Variants in CEP290 observed in about 807,000 individuals in gnomAD.
CEP290 encodes the protein centrosomal protein 290, also known as centrosomal protein of 290 kDa.
A neutral mutation model predicts 344.9 loss-of-function variants in CEP290; 317 were observed. The ratio of observed to expected loss-of-function variants is 0.92; its 90% CI spans 0.84 to 1.01. CEP290 has a LOEUF of 1.01. Ranked by LOEUF, CEP290 falls within the 50% of genes least tolerant of loss-of-function variation. CEP290 has a pLI of 0.00. For missense variants in CEP290, 2,754 were observed against 2,761.4 expected (o/e 1.00, Z 0.06); for synonymous variants, 932 against 895.8 (o/e 1.04, Z -0.72).
Position 88,118,474 on chromosome 12 carries a change from T to G in CEP290, c.1711+9A>C. 6.5e-7 allele frequency: 1 copy of G among 1,544,800 alleles called. No homozygotes were observed. Among genetic ancestry groups the G allele is most frequent in the Non-Finnish European group, 8.8e-7 (1 of 1,141,820 alleles). ...ATTCTTTTTAAAGGTTTAGAATAAC[T>G]GAGTATACCTGAAGTTGCACTTCTT... On this transcript the variant is annotated intron_variant, in intron 17 of 53. Transcript: ENST00000552810.
At position 88,131,180 on chromosome 12, in the gene CEP290, G is replaced by T; in HGVS notation, c.480C>A (p.Ser160Arg). The change falls in exon 7 of 54, where the codon AGC (serine) becomes AGA (arginine). Residue 160 changes from serine to arginine, a missense_variant. Coordinates refer to ENST00000552810, the MANE Select transcript of CEP290 (RefSeq NM_025114.4). Reference sequence around the variant, plus strand: ...AATTTTTTACCTCTCTTCTTAATTTGCTGTTTTCATTTTCTGCCTCCTCAT... The same window carrying T: ...AATTTTTTACCTCTCTTCTTAATTTTCTGTTTTCATTTTCTGCCTCCTCAT... ...LRNEEAENEN[S>R]KLRRENKRLK... is the part of the protein sequence containing the mutation. The T allele has an allele frequency of 6.6e-7, 1 of 1,517,200 alleles. No homozygotes were observed. The highest frequency in any genetic ancestry group is 8.8e-7 in the Non-Finnish European group (1 of 1,138,394). 94.0% of individuals were successfully genotyped at this position (1,517,200 alleles called of 1,614,324 possible).
intron 20 of CEP290, among the ~76,000 whole-genome samples, chr12:88,114,062 G>C (rs910314083): frequency 6.6e-6 from 1 of 151,878 alleles, no homozygotes; most frequent in East Asian, 1.9e-4. Flanking sequence ...AAAACCACAG[G>C]ATACAGCCCA....
At position 88,086,388 on chromosome 12, in the gene CEP290, T is replaced by A; in HGVS notation, c.4302+3A>T. The A allele has an allele frequency of 6.3e-7, 1 of 1,575,288 alleles. No homozygotes were observed. Among genetic ancestry groups the A allele is most frequent in the Non-Finnish European group, 8.6e-7 (1 of 1,157,754 alleles). On this transcript the variant is annotated splice_donor_region_variant and intron_variant, in intron 33 of 53. Coordinates refer to ENST00000552810, the MANE Select transcript of CEP290 (RefSeq NM_025114.4). ...AGTAACAAACAAGATTAATCATTCA[T>A]ACCTTTTGTGCCGCATTTAGTATTT...
chr12:88,051,028 C>A (rs2033459221), intron 52 of CEP290, among the ~76,000 whole-genome samples: 1 of 152,088 alleles, frequency 6.6e-6, no homozygotes, highest in African/African-American at 2.4e-5. Context: ...ACTTTATCAG[C>A]AGGCAAATAG....
At chr12:88,053,112 A>T (rs1158495668) in intron 52 of CEP290, among the ~76,000 whole-genome samples, 1 of 152,174 alleles carries the variant, frequency 6.6e-6, no homozygotes, top group Non-Finnish European at 1.5e-5. Context: ...GGATATGTAC[A>T]TTGTACATAT....
chr12:88,050,102 G>GAAC, intron 53 of CEP290: 1 of 296,130 alleles, frequency 3.4e-6, no homozygotes, highest in Non-Finnish European at 6.1e-6. Flanking sequence ...CAAAACTTAA[G>GAAC]AACATACTAA....
At chr12:88,079,546 TACTC>T in intron 38 of CEP290, among the ~76,000 whole-genome samples, 1 of 152,270 alleles carries the variant, frequency 6.6e-6, no homozygotes, top group African/African-American at 2.4e-5. Flanking sequence ...ATATTTATAT[TACTC>T]ACTTACTACA....
chr12:88,066,765 T>C (rs2034970157), intron 44 of CEP290, among the ~76,000 whole-genome samples: 1 of 152,100 alleles, frequency 6.6e-6, no homozygotes. Flanking sequence ...GCCTCCCTAA[T>C]AGCTAGGACT....
rs1020428523 is a variant in CEP290, at chr12:88,115,226, T to C, written c.1825-44A>G. 5 of 1,021,234 alleles carry C rather than the reference T, an allele frequency of 4.9e-6. No individual in the cohort carries two copies. In the African/African-American group the frequency reaches 8.2e-5, roughly 17 times the overall value. The allele number at this position is 1,021,234 out of a possible 1,614,324, so 63.3% of individuals were successfully genotyped here. Reference sequence around the variant, plus strand: ...ATAAAATTGATTTTTTTCAACAAAATATCACAAGTCTATAATTTTCAAGTT... The same window carrying C: ...ATAAAATTGATTTTTTTCAACAAAACATCACAAGTCTATAATTTTCAAGTT... On this transcript the variant is annotated intron_variant, in intron 18 of 53. Coordinates refer to ENST00000552810, the MANE Select transcript of CEP290 (RefSeq NM_025114.4).
chr12:88,086,704 T>TATCCATCC lies in CEP290; in HGVS notation c.4195-214_4195-207dup, dbSNP rs71082424. ...CAGATGTGAAGTAAGGATTTCAGTC[T>TATCCATCC]ATCCATCCATCCATCCATCCATCCA... On this transcript the variant is annotated intron_variant, in intron 32 of 53. Transcript: ENST00000552810. Among the ~76,000 whole-genome samples the TATCCATCC allele has an allele frequency of 7.2e-3, 1,076 of 149,186 alleles. 16 individuals carry two copies. The highest frequency in any genetic ancestry group is 0.024 in the African/African-American group (968 of 40,644).
At position 88,071,377 on chromosome 12, in the gene CEP290, T is replaced by C. The variant is rs1334487667; in HGVS notation, c.5928A>G (p.Gly1976=). 1 of 1,611,566 alleles carries C rather than the reference T, an allele frequency of 6.2e-7. No homozygotes were observed. The highest frequency in any genetic ancestry group is 1.3e-5 in the African/African-American group (1 of 74,842). ...CTTTTTCTGACTCCAAAGCTCGTATTCCCAAAACCTGATCAACAGTCATGC... is the reference window on the plus strand; with the variant it reads ...CTTTTTCTGACTCCAAAGCTCGTATCCCCAAAACCTGATCAACAGTCATGC... ...TTGMTVDQVL[G]IRALESEKEL... The change falls in exon 43 of 54, where the codon GGA becomes GGG. Residue 1976 remains glycine, a synonymous_variant. Coordinates refer to ENST00000552810, the MANE Select transcript of CEP290 (RefSeq NM_025114.4).
At chr12:88,072,711 G>A (rs570973786) in intron 41 of CEP290, among the ~76,000 whole-genome samples, 1 of 152,168 alleles carries the variant, frequency 6.6e-6, no homozygotes, top group Non-Finnish European at 1.5e-5. Context: ...CATTTGACAG[G>A]TACTTATTTA....
chr12:88,139,151 T>C lies in CEP290; in HGVS notation c.291A>G (p.Glu97=), dbSNP rs757402765. 4.2e-6 allele frequency: 5 copies of C among 1,192,750 alleles called. No individual in the cohort carries two copies. The highest frequency in any genetic ancestry group is 2.8e-5 in the East Asian group (1 of 35,798). 73.9% of individuals were successfully genotyped at this position (1,192,750 alleles called of 1,614,324 possible). The part of the protein sequence containing the change: ...LKTKVMKLEN[E]LEMAQQSAGG... ...GGAATACAAAAAGACATACCTCCAGTTCATTTTCCAGTTTCATTACTTTAG... is the reference window on the plus strand; with the variant it reads ...GGAATACAAAAAGACATACCTCCAGCTCATTTTCCAGTTTCATTACTTTAG... The change falls in exon 5 of 54, where the codon GAA becomes GAG. Residue 97 remains glutamate (E), a synonymous_variant. Transcript: ENST00000552810.
chr12:88,100,290 A>G (rs1182457778), intron 26 of CEP290, among the ~76,000 whole-genome samples: 1 of 151,832 alleles, frequency 6.6e-6, no homozygotes, highest in African/African-American at 2.4e-5. Context: ...ACAACAAAAA[A>G]AGAATCCTCT....
At chr12:88,114,300 A>G (rs573181987) in intron 20 of CEP290, 120 bp downstream of exon 20, 3 of 760,142 alleles carry the variant, frequency 3.9e-6, no homozygotes, top group Non-Finnish European at 5.9e-6. Context: ...CTTTACATAC[A>G]GGGAAACAAT....
intron 49 of CEP290, 133 bp downstream of exon 49, chr12:88,058,715 T>A (rs2034215819): frequency 1.2e-6 from 1 of 856,198 alleles, no homozygotes; most frequent in Non-Finnish European, 1.8e-6. Context: ...AAAAAAAGTA[T>A]TATGTTAAAA....
chr12:88,115,774 T>A (rs2039002137), intron 18 of CEP290: 1 of 980,548 alleles, frequency 1.0e-6, no homozygotes, highest in Admixed American at 6.1e-5. Context: ...ACCTGAGATC[T>A]AAGAAATACT....
rs1203226421 is a variant in CEP290 at position 88,068,601 on chromosome 12, T to C, written c.6056A>G (p.His2019Arg). ...LPRDSVVEDL[H>R]LQNRYLQEKL... ...TTCTTGGAGGTATCTATTTTGTAAATGTAAATCTTCTACAACAGAATCTCG... is the reference window on the plus strand; with the variant it reads ...TTCTTGGAGGTATCTATTTTGTAAACGTAAATCTTCTACAACAGAATCTCG... Residue 2019 changes from histidine to arginine, a missense_variant, in exon 44 of 54, where the codon CAT becomes CGT. Transcript: ENST00000552810. 1 of 1,592,602 alleles carries C rather than the reference T, an allele frequency of 6.3e-7. No homozygotes were observed. The highest frequency in any genetic ancestry group is 1.4e-5 in the African/African-American group (1 of 73,770).
intron 27 of CEP290, among the ~76,000 whole-genome samples, chr12:88,096,538 G>C (rs1002713234): frequency 1.3e-5 from 2 of 151,938 alleles, no homozygotes; most frequent in Non-Finnish European, 1.5e-5. Context: ...AAAATATCAA[G>C]TGATATATAA....
Sources: allele counts gnomAD v4.1 joint callset (sites outside exome capture counted in the v4.1 genomes callset), GRCh38; gene constraint gnomAD v4.1.1; transcripts MANE v1.5; gene names NCBI Gene and HGNC (gene_info 2026-07-23, HGNC 2026-07-21).